MARCHF1: variants seen among roughly 807,000 people sequenced by gnomAD.
The protein encoded by MARCHF1 is E3 ubiquitin-protein ligase MARCHF1.
MARCHF1 carries 40 observed loss-of-function variants against 54.2 expected under a neutral mutation model. That is an observed-to-expected ratio of 0.74 (90% CI 0.57 to 0.96). MARCHF1 has a LOEUF of 0.96. Ranked by LOEUF, MARCHF1 falls within the 40% of genes least tolerant of loss-of-function variation. The probability of loss-of-function intolerance (pLI) is 0.00; values close to 1 mark genes in which losing one functional copy is unlikely to be tolerated. For synonymous variants in MARCHF1, 236 were observed against 236.3 expected (o/e 1.00, Z 0.01); for missense variants, 586 against 656.5 (o/e 0.89, Z 1.17).
intron 1 of MARCHF1, among the ~76,000 whole-genome samples, chr4:164,333,518 C>T (rs540292104): frequency 6.6e-6 from 1 of 152,162 alleles, no homozygotes; most frequent in Non-Finnish European, 1.5e-5. Flanking sequence ...TAATTGTAGT[C>T]ATTTGGGGGC....
At chr4:164,313,348 C>CAAAAA (rs553280791) in intron 1 of MARCHF1, among the ~76,000 whole-genome samples, 8,102 of 79,468 alleles carry the variant, frequency 0.1, 626 homozygotes, top group East Asian at 0.29. Flanking sequence ...GACTCTGTCT[C>CAAAAA]AAAAAAAAAA....
intron 5 of MARCHF1, among the ~76,000 whole-genome samples, chr4:163,632,817 G>A (rs887019709): frequency 6.6e-6 from 1 of 152,260 alleles, no homozygotes; most frequent in Non-Finnish European, 1.5e-5. Flanking sequence ...CAAAAAGACA[G>A]CAGTAACCTC....
chr4:163,671,736 T>C (rs1035966753), intron 5 of MARCHF1, among the ~76,000 whole-genome samples: 2 of 152,170 alleles, frequency 1.3e-5, no homozygotes, highest in Non-Finnish European at 2.9e-5. Context: ...CTCTGAATGG[T>C]ATGTAATCAA....
intron 3 of MARCHF1, among the ~76,000 whole-genome samples, chr4:163,909,783 A>G (rs182615374): frequency 6.6e-6 from 1 of 152,308 alleles, no homozygotes; most frequent in East Asian, 1.9e-4. Flanking sequence ...TTTTTTATCA[A>G]TCATTAGAAA....
At chr4:164,275,049 TTAA>T (rs1382052190) in intron 1 of MARCHF1, among the ~76,000 whole-genome samples, 6 of 151,448 alleles carry the variant, frequency 4.0e-5, no homozygotes, top group Non-Finnish European at 5.9e-5. Context: ...CTAATTTCCT[TTAA>T]TAATAATAAC....
At chr4:163,641,988 C>A (rs933195661) in intron 5 of MARCHF1, among the ~76,000 whole-genome samples, 1 of 152,010 alleles carries the variant, frequency 6.6e-6, no homozygotes, top group African/African-American at 2.4e-5. Flanking sequence ...TTTTGTGGAC[C>A]TCTCACAAAC....
intron 8 of MARCHF1, among the ~76,000 whole-genome samples, chr4:163,557,120 G>T (rs146194997): frequency 1.3e-5 from 2 of 152,076 alleles, no homozygotes; most frequent in Non-Finnish European, 2.9e-5. Context: ...CTCCACAGGC[G>T]GGAAATGAAA....
chr4:163,859,008 T>C (rs1254736626), intron 3 of MARCHF1, among the ~76,000 whole-genome samples: 1 of 152,148 alleles, frequency 6.6e-6, no homozygotes, highest in Non-Finnish European at 1.5e-5. Context: ...ATGTTCATAG[T>C]TGTATTCTAG....
intron 3 of MARCHF1, among the ~76,000 whole-genome samples, chr4:163,920,320 C>T (rs1416485798): frequency 3.9e-5 from 6 of 152,152 alleles, no homozygotes; most frequent in Non-Finnish European, 2.9e-5. Flanking sequence ...AAATTGTTCA[C>T]CTTCTTGCAA....
intron 5 of MARCHF1, among the ~76,000 whole-genome samples, chr4:163,624,688 T>C (rs1741809529): frequency 6.6e-6 from 1 of 152,252 alleles, no homozygotes; most frequent in Non-Finnish European, 1.5e-5. Flanking sequence ...CTATCTCCTG[T>C]GCTCTTGTAG....
chr4:163,925,109 C>G (rs1042271692), intron 3 of MARCHF1, among the ~76,000 whole-genome samples: 1 of 151,674 alleles, frequency 6.6e-6, no homozygotes, highest in East Asian at 1.9e-4. Flanking sequence ...TCTTATAGAC[C>G]TTGTTACAGG....
chr4:163,632,561 C>T (rs562990168), intron 5 of MARCHF1, among the ~76,000 whole-genome samples: 1 of 152,200 alleles, frequency 6.6e-6, no homozygotes, highest in Non-Finnish European at 1.5e-5. Flanking sequence ...CGGCGCACCA[C>T]AAGATTATAT....
intron 7 of MARCHF1, among the ~76,000 whole-genome samples, chr4:163,600,177 T>C (rs1430667059): frequency 6.6e-6 from 1 of 152,022 alleles, no homozygotes; most frequent in Non-Finnish European, 1.5e-5. Context: ...CATATATAAA[T>C]TTATATACAT....
At chr4:164,180,848 C>T (rs1262736949) in intron 1 of MARCHF1, among the ~76,000 whole-genome samples, 1 of 152,148 alleles carries the variant, frequency 6.6e-6, no homozygotes, top group Non-Finnish European at 1.5e-5. Flanking sequence ...CGCTTGCCAT[C>T]TTTATCTCCA....
At chr4:163,665,757 AGT>A (rs1579174412) in intron 5 of MARCHF1, among the ~76,000 whole-genome samples, 1 of 152,200 alleles carries the variant, frequency 6.6e-6, no homozygotes, top group Non-Finnish European at 1.5e-5. Flanking sequence ...AGAATAAATC[AGT>A]GTTATAAATA....
chr4:164,376,331 CT>C (rs916387101), intron 1 of MARCHF1, among the ~76,000 whole-genome samples: 3 of 152,130 alleles, frequency 2.0e-5, no homozygotes, highest in Admixed American at 1.3e-4. Flanking sequence ...TATCTTCTTT[CT>C]TTTTTTCTCT....
At chr4:163,995,440 T>C (rs934071458) in intron 2 of MARCHF1, among the ~76,000 whole-genome samples, 2 of 151,992 alleles carry the variant, frequency 1.3e-5, no homozygotes. Flanking sequence ...ACTTTCACCC[T>C]CTCCCTCCTC....
At chr4:164,171,194 C>G (rs200655428) in intron 1 of MARCHF1, among the ~76,000 whole-genome samples, 1 of 103,138 alleles carries the variant, frequency 9.7e-6, no homozygotes, top group Admixed American at 1.1e-4. Context: ...TTATGAACAT[C>G]TTTATTTTAT....
chr4:163,703,260 A>G (rs547583432), intron 4 of MARCHF1, among the ~76,000 whole-genome samples: 4 of 152,012 alleles, frequency 2.6e-5, no homozygotes, highest in Non-Finnish European at 4.4e-5. Context: ...CTTATTTTCT[A>G]TATCTTGCAA....
Sources: allele counts gnomAD v4.1 joint callset (sites outside exome capture counted in the v4.1 genomes callset), GRCh38; gene constraint gnomAD v4.1.1; transcripts MANE v1.5; gene names NCBI Gene and HGNC (gene_info 2026-07-23, HGNC 2026-07-21).